The following NOS1AP variants were observed in gnomAD, a reference collection of about 807,000 sequenced individuals.
The protein encoded by NOS1AP is carboxyl-terminal PDZ ligand of neuronal nitric oxide synthase protein.
In NOS1AP, 21 loss-of-function variants were observed where a neutral mutation model predicts 56.2. The ratio of observed to expected loss-of-function variants is 0.37; its 90% CI spans 0.26 to 0.54. The LOEUF (loss-of-function observed/expected upper bound fraction) is 0.54, where lower values mean the gene tolerates loss of function less well. Ranked by LOEUF, NOS1AP falls within the 20% of genes least tolerant of loss-of-function variation. The probability of loss-of-function intolerance (pLI) is 0.84; values close to 1 mark genes in which losing one functional copy is unlikely to be tolerated. For synonymous variants in NOS1AP, 270 were observed against 274.6 expected (o/e 0.98, Z 0.17); for missense variants, 522 against 657.8 (o/e 0.79, Z 2.26).
intron 1 of NOS1AP, among the ~76,000 whole-genome samples, chr1:162,153,090 T>C (rs1311318820): frequency 6.6e-6 from 1 of 152,204 alleles, no homozygotes; most frequent in Admixed American, 6.5e-5. Flanking sequence ...TATTTTCTTG[T>C]TTCATTCTTA....
At chr1:162,074,929 A>C (rs2102009487) in intron 1 of NOS1AP, among the ~76,000 whole-genome samples, 1 of 152,280 alleles carries the variant, frequency 6.6e-6, no homozygotes, top group Admixed American at 6.5e-5. Flanking sequence ...CAAGCAGGAA[A>C]GCAGAAGCTC....
intron 2 of NOS1AP, among the ~76,000 whole-genome samples, chr1:162,260,813 TG>T (rs1654183922): frequency 1.3e-5 from 2 of 152,164 alleles, no homozygotes; most frequent in Non-Finnish European, 2.9e-5. Context: ...AATTTGGAAC[TG>T]AGTATAATGA....
At chr1:162,230,025 T>C (rs1247730863) in intron 2 of NOS1AP, among the ~76,000 whole-genome samples, 1 of 152,058 alleles carries the variant, frequency 6.6e-6, no homozygotes, top group Non-Finnish European at 1.5e-5. Context: ...AAAAGAACTT[T>C]AAAGAATACA....
chr1:162,294,221 A>G (rs1655374156), intron 3 of NOS1AP, among the ~76,000 whole-genome samples: 1 of 150,536 alleles, frequency 6.6e-6, no homozygotes, highest in Non-Finnish European at 1.5e-5. Context: ...GGAAGGAAGG[A>G]AGGAAGAAAG....
intron 1 of NOS1AP, among the ~76,000 whole-genome samples, chr1:162,107,346 A>G (rs975896517): frequency 6.6e-6 from 1 of 152,196 alleles, no homozygotes; most frequent in African/African-American, 2.4e-5. Flanking sequence ...AACATAATTT[A>G]AAAAATAGAG....
Position 162,321,576 on chromosome 1 carries a change from G to C in NOS1AP, c.345-11441G>C, listed in dbSNP as rs547431631. ...ACACACCAGGGCCTGTTGTGGGGTA[G>C]GGGTAGGGGAGAGGGATAGCATTAG... On this transcript the variant is annotated intron_variant, in intron 4 of 9. Transcript: ENST00000361897. Among the ~76,000 whole-genome samples, 29 of 152,100 alleles carry C rather than the reference G, an allele frequency of 1.9e-4. No individual in the cohort carries two copies. In the East Asian group the frequency reaches 5.4e-3, roughly 28 times the overall value.
intron 3 of NOS1AP, among the ~76,000 whole-genome samples, chr1:162,294,638 A>G (rs1655392330): frequency 6.6e-6 from 1 of 152,216 alleles, no homozygotes; most frequent in Non-Finnish European, 1.5e-5. Flanking sequence ...AGGAATTCAT[A>G]AACAAAGAGA....
Position 162,339,189 on chromosome 1 carries a change from AG to A in NOS1AP, c.454-4644del, listed in dbSNP as rs140799762. The stretch of plus-strand genomic sequence containing the variant: ...CCATCTGGAGCTAAGAGCCACTCTG[AG>A]GTTAGAGATCCCTTTCCAGCTTTGA... On this transcript the variant is annotated intron_variant, in intron 5 of 9. Coordinates refer to ENST00000361897, the MANE Select transcript of NOS1AP (RefSeq NM_014697.3). Among the ~76,000 whole-genome samples the A allele has an allele frequency of 5.5e-3, 838 of 152,272 alleles. 4 individuals carry two copies. Among genetic ancestry groups the A allele is most frequent in the African/African-American group, 0.019 (797 of 41,562 alleles).
rs78267721 is a variant in NOS1AP at position 162,148,074 on chromosome 1, A to G, written c.106-6331A>G. ...TGTAAAAGCATCTGGCTTAGGTCCA[A>G]TTGAAGTACCTGGATAAAAGTCAAG... On this transcript the variant is annotated intron_variant, in intron 1 of 9. Coordinates refer to ENST00000361897, the MANE Select transcript of NOS1AP (RefSeq NM_014697.3). 2.3e-3 allele frequency among the ~76,000 whole-genome samples: 353 copies of G among 152,334 alleles called. 2 individuals are homozygous for G. The highest frequency in any genetic ancestry group is 7.9e-3 in the African/African-American group (330 of 41,572).
chr1:162,327,530 A>G (rs1426463643), intron 4 of NOS1AP, among the ~76,000 whole-genome samples: 4 of 152,196 alleles, frequency 2.6e-5, no homozygotes, highest in African/African-American at 9.7e-5. Context: ...CATTAAGCAG[A>G]TGGTCTGTGA....
rs116331933 is a variant in NOS1AP, at chr1:162,101,392, T to C, written c.105+31110T>C. On this transcript the variant is annotated intron_variant, in intron 1 of 9. Transcript: ENST00000361897. ...GATGCCTCCAGTCTTGTTATTGTTG[T>C]TTAGGATTGTCTTGGCTATTTGGGT... is the stretch of plus-strand genomic sequence containing the variant. Among the ~76,000 whole-genome samples the C allele has an allele frequency of 4.0e-3, 614 of 152,302 alleles. 7 individuals are homozygous for C. Among genetic ancestry groups the C allele is most frequent in the African/African-American group, 0.014 (587 of 41,566 alleles).
At chr1:162,102,783 T>G (rs984326647) in intron 1 of NOS1AP, among the ~76,000 whole-genome samples, 1 of 152,098 alleles carries the variant, frequency 6.6e-6, no homozygotes, top group Non-Finnish European at 1.5e-5. Flanking sequence ...GGGGTGATTT[T>G]CTCCTTAATA....
chr1:162,364,508 A>T (rs1400103583), intron 8 of NOS1AP: 1 of 985,320 alleles, frequency 1.0e-6, no homozygotes, highest in African/African-American at 1.7e-5. Flanking sequence ...TTATCTCCAC[A>T]TAAGTATTGC....
At chr1:162,327,181 C>A (rs1656619322) in intron 4 of NOS1AP, among the ~76,000 whole-genome samples, 1 of 152,110 alleles carries the variant, frequency 6.6e-6, no homozygotes, top group South Asian at 2.1e-4. Context: ...ATTTTTCTAA[C>A]TGTCTTGGTT....
At chr1:162,357,279 A>G in intron 8 of NOS1AP, 143 bp downstream of exon 8, 1 of 1,340,762 alleles carries the variant, frequency 7.5e-7, no homozygotes, top group Non-Finnish European at 1.0e-6. Context: ...CTTGTTGGGG[A>G]GTGGGGGCAG....
At chr1:162,120,494 A>G (rs892773119) in intron 1 of NOS1AP, among the ~76,000 whole-genome samples, 3 of 152,236 alleles carry the variant, frequency 2.0e-5, no homozygotes, top group African/African-American at 7.2e-5. Flanking sequence ...ATTTATAAAG[A>G]AACAGAGGTT....
chr1:162,222,513 A>T (rs962203773), intron 2 of NOS1AP, among the ~76,000 whole-genome samples: 1 of 152,166 alleles, frequency 6.6e-6, no homozygotes, highest in Non-Finnish European at 1.5e-5. Flanking sequence ...GAAGATGCAT[A>T]TTGGTGCATC....
intron 2 of NOS1AP, among the ~76,000 whole-genome samples, chr1:162,155,415 T>G (rs990972914): frequency 2.3e-4 from 34 of 148,544 alleles, no homozygotes; most frequent in South Asian, 8.5e-4. Flanking sequence ...TATATATATA[T>G]AGAGCCTATA....
At chr1:162,125,333 CA>C (rs1163271891) in intron 1 of NOS1AP, among the ~76,000 whole-genome samples, 1 of 152,000 alleles carries the variant, frequency 6.6e-6, no homozygotes, top group Admixed American at 6.6e-5. Context: ...GGGGTTTCAC[CA>C]TGTGGCCCAA....
Sources: allele counts gnomAD v4.1 joint callset (sites outside exome capture counted in the v4.1 genomes callset), GRCh38; gene constraint gnomAD v4.1.1; transcripts MANE v1.5; gene names NCBI Gene and HGNC (gene_info 2026-07-23, HGNC 2026-07-21).